Variants in SPDEF observed in about 807,000 individuals in gnomAD.
SPDEF encodes the protein SAM pointed domain-containing Ets transcription factor.
SPDEF carries 12 observed loss-of-function variants against 36.0 expected under a neutral mutation model. That is an observed-to-expected ratio of 0.33 (90% confidence interval 0.21 to 0.54). The LOEUF is 0.54. Among genes scored for constraint, SPDEF ranks in the 20% least tolerant of loss-of-function variants. SPDEF has a pLI of 0.93. For synonymous variants in SPDEF, 205 were observed against 193.0 expected (o/e 1.06, Z -0.51); for missense variants, 388 against 456.9 (o/e 0.85, Z 1.37).
At position 34,555,204 on chromosome 6, in the gene SPDEF, C is replaced by T. The variant is rs983520313; in HGVS notation, c.-30+725G>A. On this transcript the variant is annotated intron_variant, in intron 1 of 5. Coordinates refer to ENST00000374037, the MANE Select transcript of SPDEF (RefSeq NM_012391.3). The surrounding 1 kb of genome is among the most constrained non-coding windows in gnomAD (Gnocchi z 5.2). ...GCCCTTCAGCTTCCCACCCTGTCAT[C>T]CCACCACCCACTTCCTCTCTCCACC... 6.1e-5 allele frequency among the ~76,000 whole-genome samples: 5 copies of T among 81,404 alleles called. No individual in the cohort carries two copies. Among genetic ancestry groups the T allele is most frequent in the Non-Finnish European group, 1.2e-4 (5 of 42,790 alleles). The allele number at this position is 81,404 out of a possible 152,430, so 53.4% of individuals were successfully genotyped here.
At chr6:34,550,886 G>C (rs1170293538) in intron 1 of SPDEF, among the ~76,000 whole-genome samples, 1 of 152,224 alleles carries the variant, frequency 6.6e-6, no homozygotes, top group Non-Finnish European at 1.5e-5. Context: ...GGAACACATT[G>C]CATCAGTGAA....
chr6:34,553,898 C>G (rs1481960518), intron 1 of SPDEF, among the ~76,000 whole-genome samples: 1 of 151,300 alleles, frequency 6.6e-6, no homozygotes, highest in Non-Finnish European at 1.5e-5. Context: ...AATTCCTGCC[C>G]CACCCACTTC....
In SPDEF at chr6:34,544,165, G is replaced by A; in HGVS notation, c.291C>T (p.Asp97=). ...PEEPEQCPVI[D]SQAPAGSLDL... is the part of the protein sequence containing the mutation. ...CCAGGCTGCCCGCTGGGGCTTGGCT[G>A]TCAATGACCGGGCACTGCTCAGGCT... Residue 97 remains aspartate (D), a synonymous_variant, in exon 2 of 6, where the codon GAC becomes GAT. Coordinates refer to ENST00000374037, the MANE Select transcript of SPDEF (RefSeq NM_012391.3). The surrounding 1 kb of genome is among the most constrained non-coding windows in gnomAD (Gnocchi z 4.4). 1 of 1,613,904 alleles carries A rather than the reference G, an allele frequency of 6.2e-7. No individual in the cohort carries two copies. Among genetic ancestry groups the A allele is most frequent in the Non-Finnish European group, 8.5e-7 (1 of 1,179,956 alleles).
At position 34,544,430 on chromosome 6, in the gene SPDEF, C is replaced by T. The variant is rs2127287385; in HGVS notation, c.26G>A (p.Ser9Asn). Residue 9 changes from serine to asparagine, a missense_variant, in exon 2 of 6, where the codon AGC becomes AAC. Coordinates refer to ENST00000374037, the MANE Select transcript of SPDEF (RefSeq NM_012391.3). The surrounding 1 kb of genome is among the most constrained non-coding windows in gnomAD (Gnocchi z 4.4). The stretch of plus-strand genomic sequence containing the variant: ...CAGGAGGTGGCTGGGGGATACGCTG[C>T]TCAGACCCGGGCTGGCGCTGCCCAT... MGSASPGL[S>N]SVSPSHLLLP... The T allele has an allele frequency of 6.4e-7, 1 of 1,571,906 alleles. No homozygotes were observed.
intron 1 of SPDEF, among the ~76,000 whole-genome samples, chr6:34,549,264 G>T (rs1453401035): frequency 2.0e-5 from 3 of 152,234 alleles, no homozygotes; most frequent in African/African-American, 7.2e-5. Context: ...ACAGCTGGTG[G>T]AGGCCAAGGC....
At chr6:34,545,809 G>T (rs958906329) in intron 1 of SPDEF, among the ~76,000 whole-genome samples, 1 of 152,170 alleles carries the variant, frequency 6.6e-6, no homozygotes. Context: ...TCAGCTACTC[G>T]GGAGGCTGAG....
At chr6:34,540,901 T>C in intron 3 of SPDEF, 83 bp downstream of exon 3, 1 of 1,361,754 alleles carries the variant, frequency 7.3e-7, no homozygotes, top group South Asian at 1.3e-5. Flanking sequence ...GCTGCTGCCC[T>C]AGCAGAGGGC....
In SPDEF at chr6:34,544,311, C is replaced by T. The variant is rs111271155; in HGVS notation, c.145G>A (p.Ala49Thr). The change falls in exon 2 of 6, where the codon GCC becomes ACC. Residue 49 changes from alanine (A) to threonine (T), a missense_variant. Ala to Thr is a moderately conservative substitution (Grantham distance 58, BLOSUM62 0). This residue lies in a region of SPDEF where 308 missense variants were observed against 326.1 expected (regional missense o/e 0.94). Transcript: ENST00000374037. The surrounding 1 kb of genome is among the most constrained non-coding windows in gnomAD (Gnocchi z 4.4). ...GCGGACAGGCCCTGCTCGGGCGTGG[C>T]GGGTGGACTGGGACTCCAGTCCCGT... is the stretch of plus-strand genomic sequence containing the variant. ...ERRDWSPSPP[A>T]TPEQGLSAFY... is the part of the protein sequence containing the mutation. The T allele has an allele frequency of 1.8e-3, 2,952 of 1,610,462 alleles. 12 individuals are homozygous for T. The highest frequency in any genetic ancestry group is 3.8e-3 in the South Asian group (344 of 91,078).
chr6:34,539,505 C>G lies in SPDEF; in HGVS notation c.682+10G>C. ...AGCCCCCGCCTCCACCCTGCCGCTG[C>G]CTGGCTCACCACAGTAGTGAATCGC... On this transcript the variant is annotated intron_variant, in intron 4 of 5. Coordinates refer to ENST00000374037, the MANE Select transcript of SPDEF (RefSeq NM_012391.3). This position sits in a 1 kb window ranked among gnomAD's most constrained non-coding sequence, Gnocchi z 5.2. 6.3e-7 allele frequency: 1 copy of G among 1,579,640 alleles called. No homozygotes were observed. The highest frequency in any genetic ancestry group is 8.6e-7 in the Non-Finnish European group (1 of 1,164,008).
rs535364431 is a variant in SPDEF, at chr6:34,539,656, C to T, written c.635-94G>A. 787 of 1,414,180 alleles carry T rather than the reference C, an allele frequency of 5.6e-4. 2 individuals are homozygous for T. Among genetic ancestry groups the T allele is most frequent in the Middle Eastern group, 3.4e-3 (14 of 4,132 alleles). 87.6% of individuals were successfully genotyped at this position (1,414,180 alleles called of 1,614,324 possible). ...GGTGGGACTGTGGGGCCACAGGAGC[C>T]CCTCTGTGGCTGGGGGTTGCCCCTG... On this transcript the variant is annotated intron_variant, in intron 3 of 5. Transcript: ENST00000374037. The surrounding 1 kb of genome is among the most constrained non-coding windows in gnomAD (Gnocchi z 5.2).
intron 1 of SPDEF, among the ~76,000 whole-genome samples, chr6:34,553,209 C>A (rs1768100383): frequency 6.6e-6 from 1 of 152,184 alleles, no homozygotes; most frequent in Non-Finnish European, 1.5e-5. Flanking sequence ...CTACCCACCC[C>A]CAACCCCGGC....
At position 34,544,002 on chromosome 6, in the gene SPDEF, C is replaced by A. The variant is rs1767885789; in HGVS notation, c.436+18G>T. ...CTGTGACCCATCTTACGGAAGCAGG[C>A]ACATGGAGAGGGCTCACCTGCGGTG... On this transcript the variant is annotated intron_variant, in intron 2 of 5. Transcript: ENST00000374037. This position sits in a 1 kb window ranked among gnomAD's most constrained non-coding sequence, Gnocchi z 4.4. 1.3e-6 allele frequency: 2 copies of A among 1,599,148 alleles called. No individual in the cohort carries two copies. Among genetic ancestry groups the A allele is most frequent in the East Asian group, 4.5e-5 (2 of 44,756 alleles).
chr6:34,555,763 G>T lies in SPDEF; in HGVS notation c.-30+166C>A, dbSNP rs1466134172. The stretch of plus-strand genomic sequence containing the variant: ...CTGGGGAGCATGAGGAGGGGGCAAG[G>T]AATTCTGAGGGTAAAGGGATCCAGG... On this transcript the variant is annotated intron_variant, in intron 1 of 5. Transcript: ENST00000374037. The surrounding 1 kb of genome is among the most constrained non-coding windows in gnomAD (Gnocchi z 5.2). 6.6e-6 allele frequency among the ~76,000 whole-genome samples: 1 copy of T among 152,164 alleles called. No individual in the cohort carries two copies. Among genetic ancestry groups the T allele is most frequent in the South Asian group, 2.1e-4 (1 of 4,832 alleles).
At chr6:34,551,782 A>G (rs958674915) in intron 1 of SPDEF, among the ~76,000 whole-genome samples, 7 of 152,082 alleles carry the variant, frequency 4.6e-5, no homozygotes, top group African/African-American at 1.4e-4. Context: ...GCTGCCCATC[A>G]GGCCTGGCTC....
rs1169741826 is a variant in SPDEF, at chr6:34,538,115, T to TC, written c.*158dup. 2 of 720,062 alleles carry TC rather than the reference T, an allele frequency of 2.8e-6. No individual in the cohort carries two copies. The highest frequency in any genetic ancestry group is 4.5e-6 in the Non-Finnish European group (2 of 448,690). 44.6% of individuals were successfully genotyped at this position (720,062 alleles called of 1,614,324 possible). A position where few individuals can be genotyped will look rare whatever the true frequency, so the allele number is the denominator to read the frequency against. ...TCCCGAAGGCCCCAGAGGACCCATA[T>TC]CCCCCTGGGGCAGTTGGTTGCCCCT... On this transcript the variant is annotated 3_prime_UTR_variant, in exon 6 of 6. Coordinates refer to ENST00000374037, the MANE Select transcript of SPDEF (RefSeq NM_012391.3). The surrounding 1 kb of genome is among the most constrained non-coding windows in gnomAD (Gnocchi z 5.9).
chr6:34,549,738 G>A (rs956282043), intron 1 of SPDEF, among the ~76,000 whole-genome samples: 14 of 152,264 alleles, frequency 9.2e-5, no homozygotes, highest in African/African-American at 2.4e-4. Context: ...ATGCCAGCCC[G>A]CCCAGAGCCC....
chr6:34,543,949 C>T (rs578183191), intron 2 of SPDEF, 71 bp downstream of exon 2: 90 of 1,511,632 alleles, frequency 6.0e-5, no homozygotes, highest in South Asian at 2.8e-4. Flanking sequence ...AGCAGTGCCC[C>T]GACCCACCCC....
At chr6:34,545,882 C>A (rs3778075) in intron 1 of SPDEF, among the ~76,000 whole-genome samples, 1 of 151,906 alleles carries the variant, frequency 6.6e-6, no homozygotes, top group East Asian at 1.9e-4. Context: ...CACTGCACTC[C>A]AGCCTGGGTG....
At position 34,552,479 on chromosome 6, in the gene SPDEF, C is replaced by T. The variant is rs1021197368; in HGVS notation, c.-30+3450G>A. ...GCAGGACAGCGATGTGAGAAGGCTT[C>T]ACTGTCTCCCGAGAGGTGTGTGTCC... is the stretch of plus-strand genomic sequence containing the variant. On this transcript the variant is annotated intron_variant, in intron 1 of 5. Coordinates refer to ENST00000374037, the MANE Select transcript of SPDEF (RefSeq NM_012391.3). The surrounding 1 kb of genome is among the most constrained non-coding windows in gnomAD (Gnocchi z 4.6). Among the ~76,000 whole-genome samples, 4 of 152,228 alleles carry T rather than the reference C, an allele frequency of 2.6e-5. No individual in the cohort carries two copies. The highest frequency in any genetic ancestry group is 9.6e-5 in the African/African-American group (4 of 41,462).
Sources: gnomAD v4.1 joint callset for allele counts (sites outside exome capture counted in the v4.1 genomes callset) on GRCh38, gnomAD v4.1.1 for gene constraint, gnomAD v4.1.1 regional missense constraint, Gnocchi (gnomAD v3.1) non-coding constraint, MANE v1.5 for transcripts, NCBI Gene and HGNC (gene_info 2026-07-23, HGNC 2026-07-21) for gene names.